INTS8: variants seen among roughly 807,000 people sequenced by gnomAD.
INTS8 encodes the protein protein kaonashi-1.
In INTS8, 47 loss-of-function variants were observed where a neutral mutation model predicts 138.9. The observed-to-expected ratio is 0.34, with a 90% CI of 0.27 to 0.43. INTS8 has a LOEUF of 0.43. Ranked by LOEUF, INTS8 falls within the 20% of genes least tolerant of loss-of-function variation. INTS8 has a pLI of 1.00. For synonymous variants in INTS8, 392 were observed against 400.9 expected (o/e 0.98, Z 0.27); for missense variants, 996 against 1,173.0 (o/e 0.85, Z 2.20).
intron 8 of INTS8, among the ~76,000 whole-genome samples, chr8:94,840,074 G>A (rs1250027757): frequency 2.0e-5 from 3 of 152,184 alleles, no homozygotes; most frequent in Non-Finnish European, 2.9e-5. Flanking sequence ...GAATTTTGTT[G>A]CATCTTTGAG....
chr8:94,874,304 C>T (rs998562412), intron 22 of INTS8, among the ~76,000 whole-genome samples: 2 of 151,748 alleles, frequency 1.3e-5, no homozygotes, highest in African/African-American at 2.4e-5. Flanking sequence ...AGTACCATAA[C>T]TTAAATGATA....
intron 6 of INTS8, among the ~76,000 whole-genome samples, chr8:94,834,010 G>C (rs922624453): frequency 9.2e-5 from 14 of 152,272 alleles, no homozygotes; most frequent in Admixed American, 3.9e-4. Flanking sequence ...GACTTCCAGT[G>C]ATCTGCCCGC....
intron 6 of INTS8, among the ~76,000 whole-genome samples, chr8:94,832,748 G>T (rs929034021): frequency 3.3e-5 from 5 of 151,656 alleles, no homozygotes; most frequent in Non-Finnish European, 7.4e-5. Context: ...TCCGCCTCCC[G>T]GGTTCATGCC....
At chr8:94,841,404 T>C (rs755125414) in intron 8 of INTS8, 87 bp from the exon 9 acceptor site, 1 of 575,232 alleles carries the variant, frequency 1.7e-6, no homozygotes, top group South Asian at 2.9e-5. Flanking sequence ...TTTCAACTTG[T>C]ATTTTCCATT....
chr8:94,847,593 A>C (rs1815377423), intron 10 of INTS8, among the ~76,000 whole-genome samples: 1 of 152,112 alleles, frequency 6.6e-6, no homozygotes, highest in South Asian at 2.1e-4. Flanking sequence ...TAGTTTTAAG[A>C]AGTTATTTTC....
chr8:94,859,906 T>A, intron 16 of INTS8: 1 of 326,782 alleles, frequency 3.1e-6, no homozygotes, highest in Non-Finnish European at 5.8e-6. Flanking sequence ...AATGAGAGAT[T>A]CGCTTTCTTT....
chr8:94,854,234 A>G (rs1815663391), intron 14 of INTS8, among the ~76,000 whole-genome samples: 2 of 151,508 alleles, frequency 1.3e-5, no homozygotes, highest in Admixed American at 6.6e-5. Flanking sequence ...AGAAAAGAAT[A>G]TGCTTTACTA....
chr8:94,853,959 A>G lies in INTS8; in HGVS notation c.1752+44A>G, dbSNP rs763050795. On this transcript the variant is annotated intron_variant, in intron 14 of 26. Transcript: ENST00000523731. The stretch of plus-strand genomic sequence containing the variant: ...CAAACACTTGTTAAGAATATGCTTT[A>G]TGGTCAGGTGCCGTGGCTCATACCT... The G allele has an allele frequency of 3.5e-4, 428 of 1,207,618 alleles. 4 individuals carry two copies. Among genetic ancestry groups the G allele is most frequent in the Non-Finnish European group, 3.6e-5 (29 of 811,628 alleles). The allele number at this position is 1,207,618 out of a possible 1,614,324, so 74.8% of individuals were successfully genotyped here. A position where few individuals can be genotyped will look rare whatever the true frequency, so the allele number is the denominator to read the frequency against.
intron 14 of INTS8, among the ~76,000 whole-genome samples, chr8:94,854,207 G>GAA (rs770693182): frequency 5.4e-4 from 60 of 110,856 alleles, no homozygotes; most frequent in African/African-American, 1.8e-3. Context: ...GTCCATCTCG[G>GAA]AAAAAAAAAA....
chr8:94,866,736 T>G (rs1209281275), intron 18 of INTS8: 1 of 177,134 alleles, frequency 5.6e-6, no homozygotes, highest in Non-Finnish European at 1.2e-5. Flanking sequence ...TGTAAAGAAG[T>G]CTTCATAATA....
chr8:94,866,218 TTAC>T (rs1816171712), intron 18 of INTS8, 27 bp downstream of exon 18: 1 of 1,164,972 alleles, frequency 8.6e-7, no homozygotes, highest in Admixed American at 1.8e-5. Flanking sequence ...ATTGCTCTAA[TTAC>T]TATTGCTGGT....
chr8:94,839,256 T>C (rs567611460), intron 8 of INTS8, among the ~76,000 whole-genome samples: 1 of 152,216 alleles, frequency 6.6e-6, no homozygotes, highest in Non-Finnish European at 1.5e-5. Context: ...GAGACTTTTA[T>C]TGTGCGCGCC....
At chr8:94,857,192 C>T (rs1815783443) in intron 15 of INTS8, among the ~76,000 whole-genome samples, 1 of 151,382 alleles carries the variant, frequency 6.6e-6, no homozygotes, top group Non-Finnish European at 1.5e-5. Flanking sequence ...CCTGCCTCAG[C>T]CTCCTCAGTT....
Position 94,853,787 on chromosome 8 carries a change from A to AT in INTS8, c.1642-12dup, listed in dbSNP as rs1256876684. 1 of 1,395,316 alleles carries AT rather than the reference A, an allele frequency of 7.2e-7. No homozygotes were observed. The highest frequency in any genetic ancestry group is 1.2e-5 in the South Asian group (1 of 86,438). 86.4% of individuals were successfully genotyped at this position (1,395,316 alleles called of 1,614,324 possible). On this transcript the variant is annotated splice_polypyrimidine_tract_variant and intron_variant, in intron 13 of 26. Transcript: ENST00000523731. ...CCTCTATGTGTGCATATATATATGT[A>AT]TTTTTTGTTTCTTTTAGTGGGAAGT...
intron 2 of INTS8, 79 bp from the exon 3 acceptor site, chr8:94,827,184 G>T: frequency 1.6e-6 from 2 of 1,240,614 alleles, no homozygotes; most frequent in Non-Finnish European, 2.3e-6. Flanking sequence ...GGTATTTTCA[G>T]CGAGGATATG....
intron 10 of INTS8, among the ~76,000 whole-genome samples, chr8:94,843,266 C>A (rs185633707): frequency 4.6e-5 from 7 of 151,958 alleles, no homozygotes; most frequent in African/African-American, 1.4e-4. Context: ...CAATTTTTTT[C>A]ATTGCTTTAA....
At chr8:94,866,398 T>G (rs2131061121) in intron 18 of INTS8, 1 of 538,562 alleles carries the variant, frequency 1.9e-6, no homozygotes, top group East Asian at 3.9e-5. Flanking sequence ...GGTTAAGCAG[T>G]CCTCCTGCCT....
At chr8:94,865,817 A>G in intron 17 of INTS8, 127 bp downstream of exon 17, 1 of 898,038 alleles carries the variant, frequency 1.1e-6, no homozygotes, top group East Asian at 2.6e-5. Flanking sequence ...AAAGTTGGAC[A>G]ATCTTACGAG....
Position 94,841,499 on chromosome 8 carries a change from AC to A in INTS8, c.1027del (p.Gln343ArgfsTer8). 6.3e-7 allele frequency: 1 copy of A among 1,582,610 alleles called. No individual in the cohort carries two copies. The highest frequency in any genetic ancestry group is 8.7e-7 in the Non-Finnish European group (1 of 1,155,490). On this transcript the variant is annotated frameshift_variant, in exon 9 of 27. Coordinates refer to ENST00000523731, the MANE Select transcript of INTS8 (RefSeq NM_017864.4). LOFTEE classifies it high-confidence loss of function. ...LRSGNYQEVI[Q>X]IFIEDNLTLS... ...TTATGTGTGTGTTCTAGGAGGTAAT[AC>A]AGATTTTCATTGAAGACAACTTAAC...
Sources: allele counts gnomAD v4.1 joint callset (sites outside exome capture counted in the v4.1 genomes callset), GRCh38; gene constraint gnomAD v4.1.1; transcripts MANE v1.5; gene names NCBI Gene and HGNC (gene_info 2026-07-23, HGNC 2026-07-21).